MAPK8: variants seen among roughly 807,000 people sequenced by gnomAD.
MAPK8 encodes the protein JUN N-terminal kinase.
Under a neutral mutation model 52.9 loss-of-function variants are expected in MAPK8, and 13 were observed. That is an observed-to-expected ratio of 0.25 (90% confidence interval 0.16 to 0.39). The LOEUF (loss-of-function observed/expected upper bound fraction) is 0.39. Among genes scored for constraint, MAPK8 ranks in the 10% least tolerant of loss-of-function variants. The probability of loss-of-function intolerance (pLI) is 1.00; values close to 1 mark genes in which losing one functional copy is unlikely to be tolerated. For missense variants in MAPK8, 300 were observed against 519.2 expected (o/e 0.58, Z 4.10); for synonymous variants, 191 against 169.8 (o/e 1.12, Z -0.97).
chr10:48,366,762 A>C (rs1182668018), intron 1 of MAPK8, among the ~76,000 whole-genome samples: 1 of 152,210 alleles, frequency 6.6e-6, no homozygotes, highest in Non-Finnish European at 1.5e-5. Flanking sequence ...TTTGGAAAAC[A>C]CTGCCATATA....
At chr10:48,308,585 T>G (rs1163330055) in intron 1 of MAPK8, among the ~76,000 whole-genome samples, 1 of 152,242 alleles carries the variant, frequency 6.6e-6, no homozygotes, top group Non-Finnish European at 1.5e-5. Context: ...CTAGTTTATG[T>G]GTGTCCGTGT....
intron 1 of MAPK8, among the ~76,000 whole-genome samples, chr10:48,386,834 G>T (rs531367425): frequency 1.3e-5 from 2 of 152,166 alleles, no homozygotes; most frequent in African/African-American, 4.8e-5. Flanking sequence ...CCAGAAACAT[G>T]TACTTACTTT....
At chr10:48,374,449 A>G (rs1422896586) in intron 1 of MAPK8, among the ~76,000 whole-genome samples, 1 of 152,202 alleles carries the variant, frequency 6.6e-6, no homozygotes, top group Non-Finnish European at 1.5e-5. Flanking sequence ...CAATGAATTC[A>G]GGAGCTGGTT....
intron 1 of MAPK8, among the ~76,000 whole-genome samples, chr10:48,380,657 CAGG>C (rs1453606453): frequency 6.6e-6 from 1 of 152,092 alleles, no homozygotes; most frequent in Non-Finnish European, 1.5e-5. Context: ...CACTTGAACC[CAGG>C]AGGAGGAGGT....
chr10:48,317,866 CAAG>C (rs1384464082), intron 1 of MAPK8, among the ~76,000 whole-genome samples: 1 of 151,964 alleles, frequency 6.6e-6, no homozygotes, highest in Admixed American at 6.6e-5. Flanking sequence ...AGCAGTTTGC[CAAG>C]AAGTATTGAT....
chr10:48,409,717 TA>T (rs1345318964), intron 3 of MAPK8, among the ~76,000 whole-genome samples, 161 bp from the exon 4 acceptor site: 12 of 152,326 alleles, frequency 7.9e-5, no homozygotes, highest in Non-Finnish European at 1.5e-4. Flanking sequence ...CTCCTGCCCA[TA>T]AAGTTGCAAT....
chr10:48,391,442 A>C (rs1049561159), intron 1 of MAPK8, among the ~76,000 whole-genome samples: 1 of 152,188 alleles, frequency 6.6e-6, no homozygotes, highest in Non-Finnish European at 1.5e-5. Context: ...TTGCTGTTCA[A>C]GCTTCATGAT....
chr10:48,421,783 G>A (rs1187571652), intron 6 of MAPK8, among the ~76,000 whole-genome samples: 1 of 152,016 alleles, frequency 6.6e-6, no homozygotes, highest in African/African-American at 2.4e-5. Flanking sequence ...CAGCCTGGGC[G>A]ACAAAGCAAG....
At chr10:48,351,587 AAAAG>A (rs1846335110) in intron 1 of MAPK8, among the ~76,000 whole-genome samples, 1 of 152,196 alleles carries the variant, frequency 6.6e-6, no homozygotes, top group African/African-American at 2.4e-5. Flanking sequence ...AAATTAAAAA[AAAAG>A]GAAGTTTTCA....
intron 5 of MAPK8, among the ~76,000 whole-genome samples, chr10:48,416,517 A>G (rs945296260): frequency 3.3e-5 from 5 of 152,104 alleles, no homozygotes; most frequent in Non-Finnish European, 2.9e-5. Flanking sequence ...CCAAAGTTCT[A>G]TTCCATCAAG....
intron 1 of MAPK8, among the ~76,000 whole-genome samples, chr10:48,319,355 T>A (rs745715107): frequency 3.9e-5 from 6 of 152,110 alleles, no homozygotes; most frequent in Non-Finnish European, 7.4e-5. Context: ...CTTTAGAACA[T>A]GTTTGTCACC....
intron 1 of MAPK8, among the ~76,000 whole-genome samples, chr10:48,316,935 G>T (rs1032808661): frequency 6.6e-6 from 1 of 152,080 alleles, no homozygotes; most frequent in Non-Finnish European, 1.5e-5. Flanking sequence ...TATCCTAATG[G>T]TATAGGAGCT....
intron 1 of MAPK8, among the ~76,000 whole-genome samples, chr10:48,316,203 T>C (rs1296461852): frequency 6.6e-6 from 1 of 152,246 alleles, no homozygotes; most frequent in African/African-American, 2.4e-5. Flanking sequence ...AGTGGTCCCA[T>C]AAAATTATAC....
In MAPK8 at chr10:48,329,890, T is replaced by A. The variant is rs74231909; in HGVS notation, c.-50+23069T>A. ...CAGGGCATACTCTTTTTGAAAATAA[T>A]ATTAACTACTGCTGATGAGAGGAAG... On this transcript the variant is annotated intron_variant, in intron 1 of 11. Coordinates refer to ENST00000374189, the MANE Select transcript of MAPK8 (RefSeq NM_001323329.2). Among the ~76,000 whole-genome samples, 99 of 152,326 alleles carry A rather than the reference T, an allele frequency of 6.5e-4. 1 individual carries two copies. The East Asian group carries it at 0.017, about 27-fold the overall frequency.
rs376258821 is a variant in MAPK8, at chr10:48,437,831, A to G, written c.*2802A>G. Reference sequence around the variant, plus strand: ...TACACACAACCCCCTTAACAATCCAAAGAAGCTTGATGGTGTGCAAAGAAG... The same window carrying G: ...TACACACAACCCCCTTAACAATCCAGAGAAGCTTGATGGTGTGCAAAGAAG... On this transcript the variant is annotated 3_prime_UTR_variant, in exon 12 of 12. Coordinates refer to ENST00000374189, the MANE Select transcript of MAPK8 (RefSeq NM_001323329.2). The G allele has an allele frequency of 5.9e-5, 9 of 152,378 alleles. No individual in the cohort carries two copies. The highest frequency in any genetic ancestry group is 3.9e-4 in the East Asian group (2 of 5,194). The allele number at this position is 152,378 out of a possible 1,614,324, so 9.4% of individuals were successfully genotyped here.
At chr10:48,315,571 A>C (rs1392378786) in intron 1 of MAPK8, among the ~76,000 whole-genome samples, 1 of 150,452 alleles carries the variant, frequency 6.6e-6, no homozygotes, top group Non-Finnish European at 1.5e-5. Flanking sequence ...TTAAACATTA[A>C]AATTTTTTTT....
At chr10:48,376,477 C>A (rs146629962) in intron 1 of MAPK8, among the ~76,000 whole-genome samples, 12,208 of 152,202 alleles carry the variant, frequency 0.08, 628 homozygotes, top group Non-Finnish European at 0.11. Flanking sequence ...TTTTTGCAAT[C>A]TATCCATCTG....
chr10:48,353,225 T>C (rs534958801), intron 1 of MAPK8, among the ~76,000 whole-genome samples: 11 of 152,318 alleles, frequency 7.2e-5, no homozygotes, highest in Non-Finnish European at 1.5e-4. Context: ...TTTGTAAATA[T>C]AGACAAAATT....
intron 5 of MAPK8, among the ~76,000 whole-genome samples, chr10:48,419,735 A>G (rs1477508395): frequency 1.3e-5 from 2 of 152,224 alleles, no homozygotes; most frequent in East Asian, 1.9e-4. Flanking sequence ...GACTTAAAAC[A>G]TCTGTATAAA....
Sources: allele counts gnomAD v4.1 joint callset (sites outside exome capture counted in the v4.1 genomes callset), GRCh38; gene constraint gnomAD v4.1.1; transcripts MANE v1.5; gene names NCBI Gene and HGNC (gene_info 2026-07-23, HGNC 2026-07-21).